The following ACOXL variants were observed in gnomAD, a reference collection of about 807,000 sequenced individuals.
ACOXL encodes acyl-CoA oxidase like, also known as acyl-coenzyme A oxidase-like protein.
ACOXL carries 70 observed loss-of-function variants against 71.9 expected under a neutral mutation model. That is an observed-to-expected ratio of 0.97 (90% CI 0.80 to 1.19). ACOXL has a LOEUF of 1.19. Among genes scored for constraint, ACOXL ranks in the 50% most tolerant of loss-of-function variants. The pLI is 0.00. For synonymous variants in ACOXL, 253 were observed against 281.6 expected (o/e 0.90, Z 1.02); for missense variants, 703 against 736.3 (o/e 0.95, Z 0.52).
Position 111,031,678 on chromosome 2 carries a change from C to T in ACOXL, c.1333C>T (p.His445Tyr), listed in dbSNP as rs1158724274. The change falls in exon 15 of 18, where the codon CAC (histidine) becomes TAC (tyrosine). Residue 445 changes from histidine to tyrosine, a missense_variant. Coordinates refer to ENST00000439055, the MANE Select transcript of ACOXL (RefSeq NM_001142807.4). ...CCATGCCTGGAACTCGTGTCTGCAC[C>T]ACGTGGCTTCTCTGTCCCTGGCACA... ...FFHAWNSCLH[H>Y]VASLSLAHTH... 4.3e-6 allele frequency: 7 copies of T among 1,614,008 alleles called. No individual in the cohort carries two copies. Among genetic ancestry groups the T allele is most frequent in the Non-Finnish European group, 5.9e-6 (7 of 1,180,034 alleles).
At chr2:110,861,736 T>TG (rs1693980840) in intron 10 of ACOXL, among the ~76,000 whole-genome samples, 1 of 152,240 alleles carries the variant, frequency 6.6e-6, no homozygotes, top group African/African-American at 2.4e-5. Flanking sequence ...ACGTAATGTC[T>TG]GAAAAACTTG....
At chr2:110,804,297 A>G (rs569134529) in intron 8 of ACOXL, among the ~76,000 whole-genome samples, 3 of 152,224 alleles carry the variant, frequency 2.0e-5, no homozygotes, top group South Asian at 2.1e-4. Flanking sequence ...GATGTCCCTT[A>G]TTAAAGGGGC....
intron 2 of ACOXL, among the ~76,000 whole-genome samples, chr2:110,783,879 T>A (rs1683632107): frequency 6.6e-6 from 1 of 152,176 alleles, no homozygotes; most frequent in South Asian, 2.1e-4. Flanking sequence ...GCTGGCTGCC[T>A]CTGAATTTTT....
chr2:111,047,658 A>C (rs891437975), intron 15 of ACOXL, among the ~76,000 whole-genome samples: 24 of 152,232 alleles, frequency 1.6e-4, no homozygotes, highest in African/African-American at 5.8e-4. Flanking sequence ...TAAACTTAAC[A>C]CAGCTTGGGC....
Position 110,798,608 on chromosome 2 carries a change from A to C in ACOXL, c.346-2A>C. ...CACTGTTGCTCTGCTTTTTCTGTGT[A>C]GGAGTTTGTAATTGACACGCCGTGT... On this transcript the variant is annotated splice_acceptor_variant, in intron 5 of 17. Coordinates refer to ENST00000439055, the MANE Select transcript of ACOXL (RefSeq NM_001142807.4). LOFTEE classifies it high-confidence loss of function. 6.2e-7 allele frequency: 1 copy of C among 1,612,132 alleles called. No homozygotes were observed. The highest frequency in any genetic ancestry group is 1.1e-5 in the South Asian group (1 of 91,048).
Position 110,855,900 on chromosome 2 carries a change from A to G in ACOXL, c.788+14495A>G, listed in dbSNP as rs141566478. 5.1e-3 allele frequency among the ~76,000 whole-genome samples: 781 copies of G among 151,992 alleles called. 38 individuals carry two copies. In the East Asian group the frequency reaches 0.12, roughly 24 times the overall value. ...CAAAGTTTCCACAGGGTGGAAGGGG[A>G]CCCCAGCGGGTTGCCGCTGCTGGCT... is the stretch of plus-strand genomic sequence containing the variant. On this transcript the variant is annotated intron_variant, in intron 10 of 17. Transcript: ENST00000439055.
chr2:111,111,736 A>G (rs2069980320), intron 17 of ACOXL, among the ~76,000 whole-genome samples: 1 of 152,230 alleles, frequency 6.6e-6, no homozygotes, highest in Non-Finnish European at 1.5e-5. Flanking sequence ...TTGTCATGGA[A>G]ATACCAGAGT....
intron 3 of ACOXL, among the ~76,000 whole-genome samples, chr2:110,787,370 T>A (rs889662280): frequency 6.6e-6 from 1 of 151,532 alleles, no homozygotes; most frequent in Non-Finnish European, 1.5e-5. Flanking sequence ...CTGTCTCCAC[T>A]AAAAATACAA....
Position 110,777,871 on chromosome 2 carries a change from T to C in ACOXL, c.76-6861T>C, listed in dbSNP as rs562229929. 3.9e-5 allele frequency among the ~76,000 whole-genome samples: 6 copies of C among 152,300 alleles called. No individual in the cohort carries two copies. The East Asian group carries it at 9.6e-4, about 24-fold the overall frequency. ...CCACTTCAAGGAGTCGGGGCAGGTG[T>C]CCTATTTTAGGGCTGTCCAAACATA... On this transcript the variant is annotated intron_variant, in intron 2 of 17. Coordinates refer to ENST00000439055, the MANE Select transcript of ACOXL (RefSeq NM_001142807.4).
At chr2:110,847,888 T>A (rs894451887) in intron 10 of ACOXL, among the ~76,000 whole-genome samples, 1 of 152,244 alleles carries the variant, frequency 6.6e-6, no homozygotes, top group Non-Finnish European at 1.5e-5. Flanking sequence ...ATTCTGAGAC[T>A]GTGCTCGTGT....
At chr2:110,946,022 T>C (rs1390545974) in intron 12 of ACOXL, among the ~76,000 whole-genome samples, 4 of 152,246 alleles carry the variant, frequency 2.6e-5, no homozygotes, top group Non-Finnish European at 4.4e-5. Flanking sequence ...TCTGATTTCT[T>C]TGAGCAGCGT....
intron 14 of ACOXL, among the ~76,000 whole-genome samples, chr2:111,023,077 C>T (rs1240700636): frequency 1.3e-5 from 2 of 152,126 alleles, no homozygotes; most frequent in Admixed American, 6.5e-5. Context: ...ATCTGATGGG[C>T]GTCATGTGAG....
intron 1 of ACOXL, among the ~76,000 whole-genome samples, chr2:110,747,988 G>A (rs1436117735): frequency 2.6e-5 from 4 of 152,142 alleles, no homozygotes; most frequent in Non-Finnish European, 5.9e-5. Flanking sequence ...CACCCCTGCA[G>A]CTCATCCTGA....
intron 10 of ACOXL, among the ~76,000 whole-genome samples, chr2:110,869,613 T>C (rs553814493): frequency 5.6e-4 from 86 of 152,328 alleles, no homozygotes; most frequent in African/African-American, 1.9e-3. Context: ...TGTGTCATGC[T>C]GGAGTCCCTG....
chr2:111,011,484 A>G (rs1413523486), intron 14 of ACOXL, among the ~76,000 whole-genome samples: 1 of 152,230 alleles, frequency 6.6e-6, no homozygotes, highest in Non-Finnish European at 1.5e-5. Context: ...AGGGTCTTCC[A>G]TATGCTTTGA....
chr2:110,787,476 G>T (rs550810438), intron 3 of ACOXL, among the ~76,000 whole-genome samples: 96 of 149,638 alleles, frequency 6.4e-4, no homozygotes, highest in African/African-American at 2.3e-3. Flanking sequence ...GGAGCTTGCA[G>T]TGGGCTGAGA....
At position 111,003,392 on chromosome 2, in the gene ACOXL, T is replaced by TA. The variant is rs869152202; in HGVS notation, c.1281+7397dup. ...GTGAAACCCCGTCTCTACTAAAGAT[T>TA]AAAAAAAAATTAGCTGAACCTGGTG... is the stretch of plus-strand genomic sequence containing the variant. On this transcript the variant is annotated intron_variant, in intron 14 of 17. Coordinates refer to ENST00000439055, the MANE Select transcript of ACOXL (RefSeq NM_001142807.4). 1.7e-3 allele frequency among the ~76,000 whole-genome samples: 246 copies of TA among 148,260 alleles called. 3 individuals carry two copies. The highest frequency in any genetic ancestry group is 2.8e-4 in the Non-Finnish European group (19 of 66,734).
chr2:110,802,027 T>C (rs1019725375), intron 8 of ACOXL, among the ~76,000 whole-genome samples: 15 of 152,202 alleles, frequency 9.9e-5, no homozygotes, highest in Non-Finnish European at 1.3e-4. Context: ...CTAAGCGAGA[T>C]CCACTTCTAG....
At chr2:110,876,053 C>A (rs1190958393) in intron 10 of ACOXL, among the ~76,000 whole-genome samples, 1 of 152,180 alleles carries the variant, frequency 6.6e-6, no homozygotes, top group Non-Finnish European at 1.5e-5. Context: ...CTGGACACAT[C>A]ATCATATCTA....
Sources: allele counts gnomAD v4.1 joint callset (sites outside exome capture counted in the v4.1 genomes callset), GRCh38; gene constraint gnomAD v4.1.1; transcripts MANE v1.5; gene names NCBI Gene and HGNC (gene_info 2026-07-23, HGNC 2026-07-21).